Variants in MYT1L observed in about 807,000 individuals in gnomAD.
The protein encoded by MYT1L is myelin transcription factor 1-like protein.
Under a neutral mutation model 126.7 loss-of-function variants are expected in MYT1L, and 12 were observed. The ratio of observed to expected loss-of-function variants is 0.09; its 90% CI spans 0.06 to 0.15. MYT1L has a LOEUF of 0.15. Among genes scored for constraint, MYT1L ranks in the 10% least tolerant of loss-of-function variants. The pLI, the probability that MYT1L is intolerant of heterozygous loss-of-function variation, is 1.00. For missense variants in MYT1L, 979 were observed against 1,585.2 expected (o/e 0.62, Z 6.49); for synonymous variants, 541 against 604.2 (o/e 0.90, Z 1.53).
intron 11 of MYT1L, among the ~76,000 whole-genome samples, chr2:1,915,283 C>T (rs906227088): frequency 3.9e-5 from 6 of 152,208 alleles, no homozygotes; most frequent in East Asian, 1.9e-4. Context: ...TATAAAGAAT[C>T]GCACAGGAGC....
chr2:1,829,824 T>C (rs111280895), intron 21 of MYT1L, among the ~76,000 whole-genome samples: 33,851 of 138,974 alleles, frequency 0.24, 4,326 homozygotes, highest in East Asian at 0.59. Context: ...CACCTGTGAA[T>C]TGACCCTCCC....
intron 1 of MYT1L, among the ~76,000 whole-genome samples, chr2:2,307,627 G>C (rs1055522628): frequency 6.6e-6 from 1 of 152,014 alleles, no homozygotes; most frequent in Non-Finnish European, 1.5e-5. Context: ...TATGACACTC[G>C]TGATCTCCAG....
intron 1 of MYT1L, among the ~76,000 whole-genome samples, chr2:2,329,451 T>C (rs2149746912): frequency 6.8e-6 from 1 of 146,634 alleles, no homozygotes; most frequent in Admixed American, 6.7e-5. Flanking sequence ...TAGATCCAGA[T>C]CTCATATTAC....
chr2:2,024,749 G>A (rs1459317194), intron 4 of MYT1L, among the ~76,000 whole-genome samples: 3 of 152,160 alleles, frequency 2.0e-5, no homozygotes, highest in African/African-American at 2.4e-5. Context: ...ATAGCCAGCC[G>A]CAGTCCACCA....
At chr2:2,047,046 T>C (rs4853952) in intron 4 of MYT1L, among the ~76,000 whole-genome samples, 7,105 of 152,350 alleles carry the variant, frequency 0.047, 195 homozygotes, top group East Asian at 0.093. Context: ...AAATTTAATA[T>C]GCTAATACGC....
chr2:2,253,213 G>C (rs993791121), intron 2 of MYT1L, among the ~76,000 whole-genome samples: 3 of 152,194 alleles, frequency 2.0e-5, no homozygotes, highest in Non-Finnish European at 4.4e-5. Context: ...GGGCTCCACT[G>C]TCCAGCCTGG....
At chr2:1,860,793 C>T (rs1225538490) in intron 18 of MYT1L, among the ~76,000 whole-genome samples, 3 of 152,110 alleles carry the variant, frequency 2.0e-5, no homozygotes, top group African/African-American at 7.2e-5. Context: ...AAGGAACCCG[C>T]TGTGGGATGA....
intron 4 of MYT1L, among the ~76,000 whole-genome samples, chr2:2,033,982 T>C (rs1048511179): frequency 1.3e-5 from 2 of 152,162 alleles, no homozygotes; most frequent in Non-Finnish European, 2.9e-5. Flanking sequence ...ATAAATGCAC[T>C]TGAATTTCCA....
At chr2:2,076,044 T>C (rs2075184528) in intron 3 of MYT1L, among the ~76,000 whole-genome samples, 1 of 152,194 alleles carries the variant, frequency 6.6e-6, no homozygotes, top group Admixed American at 6.5e-5. Context: ...GGCACAGTAG[T>C]GAGGGAAAGA....
chr2:2,180,922 G>A (rs376525201), intron 2 of MYT1L, among the ~76,000 whole-genome samples: 3 of 151,030 alleles, frequency 2.0e-5, no homozygotes, highest in African/African-American at 4.9e-5. Flanking sequence ...ACCTGTGTGT[G>A]CACCTGTATC....
chr2:1,889,470 T>C lies in MYT1L; in HGVS notation c.2291A>G (p.Asp764Gly). 5.0e-6 allele frequency: 8 copies of C among 1,597,954 alleles called. No homozygotes were observed. The highest frequency in any genetic ancestry group is 6.8e-6 in the Non-Finnish European group (8 of 1,169,394). ...PQDLCATRNP[D>G]MEVDENGTLD... is the part of the protein sequence containing the mutation. The stretch of plus-strand genomic sequence containing the variant: ...GGTCCCGTTCTCATCCACCTCCATG[T>C]CAGGGTTCTGTCGGTAGAAAGACAT... Residue 764 changes from aspartate (D) to glycine (G), a missense_variant, in exon 16 of 25, where the codon GAC becomes GGC. Transcript: ENST00000647738. This position sits in a 1 kb window ranked among gnomAD's most constrained non-coding sequence, Gnocchi z 4.1.
chr2:2,180,974 G>C (rs1002662405), intron 2 of MYT1L, among the ~76,000 whole-genome samples: 1 of 145,318 alleles, frequency 6.9e-6, no homozygotes, highest in African/African-American at 2.7e-5. Context: ...AACCGTACCT[G>C]TGTGTGTACC....
chr2:2,194,807 T>C (rs1572349337), intron 2 of MYT1L, among the ~76,000 whole-genome samples: 1 of 152,184 alleles, frequency 6.6e-6, no homozygotes, highest in East Asian at 1.9e-4. Context: ...AGAACCAAGT[T>C]GATAGCTTAA....
chr2:2,060,781 C>CTTCCTTTCCT (rs1182467468), intron 3 of MYT1L, among the ~76,000 whole-genome samples: 1 of 143,612 alleles, frequency 7.0e-6, no homozygotes, highest in Non-Finnish European at 1.5e-5. Context: ...CCTCTCTATT[C>CTTCCTTTCCT]TTCCTTTCCT....
At chr2:1,826,662 C>G (rs140621351) in intron 21 of MYT1L, among the ~76,000 whole-genome samples, 1 of 152,132 alleles carries the variant, frequency 6.6e-6, no homozygotes, top group Non-Finnish European at 1.5e-5. Context: ...GACGCAGCAC[C>G]GGGTACCGGG....
chr2:2,173,559 CTCAGT>C (rs1223343944), intron 2 of MYT1L, among the ~76,000 whole-genome samples: 3 of 152,148 alleles, frequency 2.0e-5, no homozygotes, highest in Non-Finnish European at 4.4e-5. Flanking sequence ...GCAATGTTAT[CTCAGT>C]ATTAGAAACC....
intron 19 of MYT1L, among the ~76,000 whole-genome samples, chr2:1,850,807 C>T (rs1361416806): frequency 1.3e-5 from 2 of 152,132 alleles, no homozygotes; most frequent in Admixed American, 6.5e-5. Context: ...CTCCTTGGTG[C>T]TTCCCGTGGG....
rs950719786 is a variant in MYT1L, at chr2:2,322,280, C to T, written c.-521+8687G>A. On this transcript the variant is annotated intron_variant, in intron 1 of 24. Coordinates refer to ENST00000647738, the MANE Select transcript of MYT1L (RefSeq NM_001303052.2). ...GCCCCACACTGTCCAATGTTGCCTA[C>T]ACAGGGTACTTAAGTCAAAGAGCAC... Among the ~76,000 whole-genome samples, 5 of 151,834 alleles carry T rather than the reference C, an allele frequency of 3.3e-5. No homozygotes were observed. In the East Asian group the frequency reaches 9.7e-4, roughly 29 times the overall value.
chr2:2,038,038 TG>T lies in MYT1L; in HGVS notation c.-158+15939del, dbSNP rs549636057. On this transcript the variant is annotated intron_variant, in intron 4 of 24. Transcript: ENST00000647738. ...CTCTTTGAGAGGAGGAGCTATGTCT[TG>T]GTGAACTTTGCATTCCATGCAGACG... is the stretch of plus-strand genomic sequence containing the variant. Among the ~76,000 whole-genome samples the T allele has an allele frequency of 1.3e-3, 192 of 152,308 alleles. 1 individual carries two copies. Among genetic ancestry groups the T allele is most frequent in the African/African-American group, 4.4e-3 (185 of 41,574 alleles).
Sources: allele counts gnomAD v4.1 joint callset (sites outside exome capture counted in the v4.1 genomes callset), GRCh38; gene constraint gnomAD v4.1.1; non-coding constraint Gnocchi (gnomAD v3.1); transcripts MANE v1.5; gene names NCBI Gene and HGNC (gene_info 2026-07-23, HGNC 2026-07-21).